PABPC3: variants seen among roughly 807,000 people sequenced by gnomAD.
PABPC3 encodes poly(A) binding protein cytoplasmic 3.
A neutral mutation model predicts 43.0 loss-of-function variants in PABPC3; 43 were observed. The ratio of observed to expected loss-of-function variants is 1.00; its 90% CI spans 0.78 to 1.29. The LOEUF is 1.29. Among genes scored for constraint, PABPC3 ranks in the 50% most tolerant of loss-of-function variants. The pLI, the probability that PABPC3 is intolerant of heterozygous loss-of-function variation, is 0.00. For missense variants in PABPC3, 784 were observed against 798.1 expected, an observed-to-expected ratio of 0.98 and a Z score of 0.21; for synonymous variants, 221 against 274.6, an observed-to-expected ratio of 0.80 and a Z score of 1.93.
rs753341561 is a variant in PABPC3 at position 25,096,537 on chromosome 13, A to C, written c.339A>C (p.Lys113Asn). Residue 113 changes from lysine (K) to asparagine (N), a missense_variant, in exon 1 of 1, where the codon AAA becomes AAC. By Grantham distance (94) the Lys-to-Asn change is moderately conservative. Coordinates refer to ENST00000281589, the MANE Select transcript of PABPC3 (RefSeq NM_030979.3). ...VKNLDKSINN[K>N]ALYDTVSAFG... ...ATCTGGATAAGTCCATTAATAATAAAGCACTGTATGATACAGTTTCTGCTT... is the reference window on the plus strand; with the variant it reads ...ATCTGGATAAGTCCATTAATAATAACGCACTGTATGATACAGTTTCTGCTT... 1 of 1,614,258 alleles carries C rather than the reference A, an allele frequency of 6.2e-7. No homozygotes were observed. The highest frequency in any genetic ancestry group is 8.5e-7 in the Non-Finnish European group (1 of 1,180,048).
rs1956064540 is a variant in PABPC3, at chr13:25,098,839, T to C, written c.*745T>C. 6.0e-6 allele frequency: 1 copy of C among 166,878 alleles called. No individual in the cohort carries two copies. The highest frequency in any genetic ancestry group is 2.1e-4 in the South Asian group (1 of 4,836). 10.3% of individuals were successfully genotyped at this position (166,878 alleles called of 1,614,324 possible). A position where few individuals can be genotyped will look rare whatever the true frequency, so the allele number is the denominator to read the frequency against. ...TAAATACATAGTTTTAAAAATCTAA[T>C]TGAACAGGAGGCTAAACATGGTTCT... is the stretch of plus-strand genomic sequence containing the variant. On this transcript the variant is annotated 3_prime_UTR_variant, in exon 1 of 1. Coordinates refer to ENST00000281589, the MANE Select transcript of PABPC3 (RefSeq NM_030979.3).
Position 25,097,160 on chromosome 13 carries a change from C to A in PABPC3, c.962C>A (p.Thr321Asn), listed in dbSNP as rs762659317. 4.9e-5 allele frequency: 79 copies of A among 1,614,018 alleles called. No individual in the cohort carries two copies. The South Asian group carries it at 8.7e-4, about 18-fold the overall frequency. ...RKAFSPFGTI[T>N]SAKVMMEGGR... ...GCGTTTTCTCCATTTGGTACAATCA[C>A]TAGTGCAAAGGTTATGATGGAAGGT... The change falls in exon 1 of 1, where the codon ACT becomes AAT. Residue 321 changes from threonine (T) to asparagine (N), a missense_variant. Transcript: ENST00000281589.
Position 25,097,791 on chromosome 13 carries a change from T to C in PABPC3, c.1593T>C (p.Ala531=), listed in dbSNP as rs746937825. The C allele has an allele frequency of 3.3e-5, 54 of 1,614,172 alleles. 2 individuals are homozygous for C. The Middle Eastern group carries it at 5.0e-4, about 15-fold the overall frequency. The change falls in exon 1 of 1, where the codon GCT becomes GCC. Residue 531 remains alanine (A), a synonymous_variant. Transcript: ENST00000281589. ...CACAAGTTACAATGCAACAGCTTGC[T>C]GTTCATGTACAAGGTCAGGAAACTT... ...AQPQVTMQQL[A]VHVQGQETLT...
Position 25,096,694 on chromosome 13 carries a change from C to A in PABPC3, c.496C>A (p.Arg166Ser), listed in dbSNP as rs186038686. 2 of 1,614,152 alleles carry A rather than the reference C, an allele frequency of 1.2e-6. No homozygotes were observed. Among genetic ancestry groups the A allele is most frequent in the African/African-American group, 2.7e-5 (2 of 74,946 alleles). Residue 166 changes from arginine to serine, a missense_variant, in exon 1 of 1, where the codon CGC becomes AGC. Coordinates refer to ENST00000281589, the MANE Select transcript of PABPC3 (RefSeq NM_030979.3). ...AATGAACGGAATGCTCCTAAATGGT[C>A]GCAAAGTATTTGTTGGACAATTTAA... Reference protein sequence around the residue: ...KKMNGMLLNGRKVFVGQFKSR... With the variant: ...KKMNGMLLNGSKVFVGQFKSR...
At position 25,096,966 on chromosome 13, in the gene PABPC3, C is replaced by T. The variant is rs115133849; in HGVS notation, c.768C>T (p.Leu256=). ...KAVDEMNGKE[L]NGKQIYVGRA... ...TAGATGAGATGAATGGAAAGGAGCT[C>T]AATGGAAAACAAATTTACGTTGGTC... Residue 256 remains leucine (L), a synonymous_variant, in exon 1 of 1, where the codon CTC becomes CTT. Transcript: ENST00000281589. The T allele has an allele frequency of 1.4e-3, 2,287 of 1,614,072 alleles. 5 individuals are homozygous for T. The African/African-American group carries it at 0.027, about 19-fold the overall frequency.
chr13:25,096,239 A>T lies in PABPC3; in HGVS notation c.41A>T (p.Tyr14Phe), dbSNP rs1444302710. The T allele has an allele frequency of 6.2e-7, 1 of 1,614,070 alleles. No individual in the cohort carries two copies. Among genetic ancestry groups the T allele is most frequent in the African/African-American group, 1.3e-5 (1 of 74,942 alleles). ...STPSYPTASLYVGDLHPDVTE... is the reference protein window; with the variant it reads ...STPSYPTASLFVGDLHPDVTE... ...CCCAGCTACCCAACGGCCTCGCTCTACGTGGGGGACCTCCACCCCGACGTG... is the reference window on the plus strand; with the variant it reads ...CCCAGCTACCCAACGGCCTCGCTCTTCGTGGGGGACCTCCACCCCGACGTG... The change falls in exon 1 of 1, where the codon TAC (tyrosine) becomes TTC (phenylalanine). Residue 14 changes from tyrosine to phenylalanine, a missense_variant. Tyr to Phe is a conservative substitution (Grantham distance 22, BLOSUM62 3). Transcript: ENST00000281589.
In PABPC3 at chr13:25,098,847, G is replaced by A. The variant is rs1467608660; in HGVS notation, c.*753G>A. The A allele has an allele frequency of 1.2e-5, 2 of 166,612 alleles. No individual in the cohort carries two copies. Among genetic ancestry groups the A allele is most frequent in the African/African-American group, 4.8e-5 (2 of 41,356 alleles). The allele number at this position is 166,612 out of a possible 1,614,324, so 10.3% of individuals were successfully genotyped here. On this transcript the variant is annotated 3_prime_UTR_variant, in exon 1 of 1. Transcript: ENST00000281589. ...TAGTTTTAAAAATCTAATTGAACAG[G>A]AGGCTAAACATGGTTCTGATCACAG...
Position 25,096,312 on chromosome 13 carries a change from C to T in PABPC3, c.114C>T (p.Leu38=), listed in dbSNP as rs1956035507. The change falls in exon 1 of 1, where the codon CTC becomes CTT. Residue 38 remains leucine, a synonymous_variant. Coordinates refer to ENST00000281589, the MANE Select transcript of PABPC3 (RefSeq NM_030979.3). The part of the protein sequence containing the change: ...YEKFSPAGPI[L]SIRICRDLIT... ...AGTTCAGCCCGGCAGGGCCCATCCT[C>T]TCCATCCGGATCTGCAGGGACTTGA... The T allele has an allele frequency of 3.1e-6, 5 of 1,614,148 alleles. No individual in the cohort carries two copies. In the Admixed American group the frequency reaches 8.3e-5, roughly 27 times the overall value.
chr13:25,098,288 A>T lies in PABPC3; in HGVS notation c.*194A>T. On this transcript the variant is annotated 3_prime_UTR_variant, in exon 1 of 1. Transcript: ENST00000281589. ...CTAGCAAATATAATGCTAGTCCTAG[A>T]TTACTTATTGATTTAAAAACAAAAA... 3 of 505,354 alleles carry T rather than the reference A, an allele frequency of 5.9e-6. No individual in the cohort carries two copies. The South Asian group carries it at 1.1e-4, about 19-fold the overall frequency. The allele number at this position is 505,354 out of a possible 1,614,324, so 31.3% of individuals were successfully genotyped here. A position where few individuals can be genotyped will look rare whatever the true frequency, so the allele number is the denominator to read the frequency against.
chr13:25,098,633 A>G lies in PABPC3; in HGVS notation c.*539A>G, dbSNP rs1024930931. The G allele has an allele frequency of 1.0e-4, 17 of 167,108 alleles. No homozygotes were observed. Among genetic ancestry groups the G allele is most frequent in the African/African-American group, 3.6e-4 (15 of 41,464 alleles). The allele number at this position is 167,108 out of a possible 1,614,324, so 10.4% of individuals were successfully genotyped here. On this transcript the variant is annotated 3_prime_UTR_variant, in exon 1 of 1. Transcript: ENST00000281589. Reference sequence around the variant, plus strand: ...ATTTTCTATTATTCTATCTCCCACTATATTTCAAATATGAAAATCACTTTT... The same window carrying G: ...ATTTTCTATTATTCTATCTCCCACTGTATTTCAAATATGAAAATCACTTTT...
rs1956044718 is a variant in PABPC3 at position 25,097,073 on chromosome 13, A to G, written c.875A>G (p.Gln292Arg). ...QMKQDRITRY[Q>R]VVNLYVKNLD... ...AAGCAAGATAGGATCACCAGATACC[A>G]GGTTGTTAATCTTTATGTGAAAAAT... The change falls in exon 1 of 1, where the codon CAG becomes CGG. Residue 292 changes from glutamine (Q) to arginine (R), a missense_variant. By Grantham distance (43) the Gln-to-Arg change is conservative. Transcript: ENST00000281589. 1 of 1,614,302 alleles carries G rather than the reference A, an allele frequency of 6.2e-7. No homozygotes were observed. The highest frequency in any genetic ancestry group is 8.5e-7 in the Non-Finnish European group (1 of 1,180,050).
At chr13:25,097,025 TTAAGC>T in the PABPC3 span, 963 of 866,894 alleles carry the variant, frequency 1.1e-3, no homozygotes, top group East Asian at 0.055. Context: ...CAGACGGAAC[TTAAGC>T]GCACATTTGA....
Position 25,096,577 on chromosome 13 carries a change from T to A in PABPC3, c.379T>A (p.Ser127Thr). The change falls in exon 1 of 1, where the codon TCG (serine) becomes ACG (threonine). Residue 127 changes from serine to threonine, a missense_variant. Coordinates refer to ENST00000281589, the MANE Select transcript of PABPC3 (RefSeq NM_030979.3). ...DTVSAFGNIL[S>T]CNVVCDENGS... The stretch of plus-strand genomic sequence containing the variant: ...AGTTTCTGCTTTTGGTAACATCCTT[T>A]CGTGTAACGTGGTTTGTGATGAAAA... 6.2e-7 allele frequency: 1 copy of A among 1,614,282 alleles called. No individual in the cohort carries two copies. Among genetic ancestry groups the A allele is most frequent in the Non-Finnish European group, 8.5e-7 (1 of 1,180,046 alleles).
At position 25,098,798 on chromosome 13, in the gene PABPC3, A is replaced by G. The variant is rs1338746625; in HGVS notation, c.*704A>G. ...GACAATTATTAATTTATACTGCATT[A>G]TTTTTAAATAAAAAATAAATACATA... On this transcript the variant is annotated 3_prime_UTR_variant, in exon 1 of 1. Coordinates refer to ENST00000281589, the MANE Select transcript of PABPC3 (RefSeq NM_030979.3). 1 of 166,694 alleles carries G rather than the reference A, an allele frequency of 6.0e-6. No homozygotes were observed. 10.3% of individuals were successfully genotyped at this position (166,694 alleles called of 1,614,324 possible).
Position 25,099,059 on chromosome 13 carries a change from T to TA in PABPC3, c.*966dup, listed in dbSNP as rs1248966669. On this transcript the variant is annotated 3_prime_UTR_variant, in exon 1 of 1. Transcript: ENST00000281589. ...CCCTCCTCCTCCTCCCAATATAATT[T>TA]ATCACTACTTGTAGCTCCTTTATTG... The TA allele has an allele frequency of 6.0e-6, 1 of 166,662 alleles. No homozygotes were observed. Among genetic ancestry groups the TA allele is most frequent in the Non-Finnish European group, 1.5e-5 (1 of 67,968 alleles). The allele number at this position is 166,662 out of a possible 1,614,324, so 10.3% of individuals were successfully genotyped here.
rs1033989666 is a variant in PABPC3, at chr13:25,098,318, A to T, written c.*224A>T. Reference sequence around the variant, plus strand: ...TTATTGATTTAAAAACAAAAAAAAGATTACTTAATTTTGATTTAAAAACAA... The same window carrying T: ...TTATTGATTTAAAAACAAAAAAAAGTTTACTTAATTTTGATTTAAAAACAA... On this transcript the variant is annotated 3_prime_UTR_variant, in exon 1 of 1. Coordinates refer to ENST00000281589, the MANE Select transcript of PABPC3 (RefSeq NM_030979.3). 5 of 442,498 alleles carry T rather than the reference A, an allele frequency of 1.1e-5. No homozygotes were observed. In the South Asian group the frequency reaches 1.9e-4, roughly 17 times the overall value. The allele number at this position is 442,498 out of a possible 1,614,324, so 27.4% of individuals were successfully genotyped here.
rs1421482745 is a variant in PABPC3 at position 25,098,319 on chromosome 13, T to C, written c.*225T>C. 16 of 432,742 alleles carry C rather than the reference T, an allele frequency of 3.7e-5. No individual in the cohort carries two copies. The East Asian group carries it at 5.9e-4, about 16-fold the overall frequency. The allele number at this position is 432,742 out of a possible 1,614,324, so 26.8% of individuals were successfully genotyped here. On this transcript the variant is annotated 3_prime_UTR_variant, in exon 1 of 1. Coordinates refer to ENST00000281589, the MANE Select transcript of PABPC3 (RefSeq NM_030979.3). ...TATTGATTTAAAAACAAAAAAAAGA[T>C]TACTTAATTTTGATTTAAAAACAAA... is the stretch of plus-strand genomic sequence containing the variant.
chr13:25,096,413 T>C lies in PABPC3; in HGVS notation c.215T>C (p.Met72Thr), dbSNP rs1565995949. Residue 72 changes from methionine (M) to threonine (T), a missense_variant, in exon 1 of 1, where the codon ATG becomes ACG. By Grantham distance (81) the Met-to-Thr change is moderately conservative (BLOSUM62 -1). Coordinates refer to ENST00000281589, the MANE Select transcript of PABPC3 (RefSeq NM_030979.3). ...TKDAEHALDTMNFDVIKGKPV... is the reference protein window; with the variant it reads ...TKDAEHALDTTNFDVIKGKPV... ...GACGCGGAGCATGCTCTGGACACCA[T>C]GAATTTTGATGTTATAAAGGGCAAG... The C allele has an allele frequency of 6.2e-7, 1 of 1,614,192 alleles. No homozygotes were observed. Among genetic ancestry groups the C allele is most frequent in the African/African-American group, 1.3e-5 (1 of 75,050 alleles).
In PABPC3 at chr13:25,097,445, A is replaced by T. The variant is rs1956049146; in HGVS notation, c.1247A>T (p.Tyr416Phe). ...AVPQTQNHAAYYPPSQIARLR... is the reference protein window; with the variant it reads ...AVPQTQNHAAFYPPSQIARLR... ...CCACAGACTCAGAACCATGCTGCAT[A>T]CTATCCTCCTAGCCAAATTGCTCGA... The change falls in exon 1 of 1, where the codon TAC becomes TTC. Residue 416 changes from tyrosine (Y) to phenylalanine (F), a missense_variant. Tyr to Phe is a conservative substitution (Grantham distance 22). Coordinates refer to ENST00000281589, the MANE Select transcript of PABPC3 (RefSeq NM_030979.3). 7 of 1,614,102 alleles carry T rather than the reference A, an allele frequency of 4.3e-6. No homozygotes were observed. Among genetic ancestry groups the T allele is most frequent in the Admixed American group, 1.7e-5 (1 of 60,006 alleles).
Sources: gnomAD v4.1 joint callset for allele counts on GRCh38, gnomAD v4.1.1 for gene constraint, MANE v1.5 for transcripts, NCBI Gene and HGNC (gene_info 2026-07-23, HGNC 2026-07-21) for gene names.